FAM178B: variants seen among roughly 807,000 people sequenced by gnomAD.
FAM178B encodes the protein family with sequence similarity 178 member B.
FAM178B carries 82 observed loss-of-function variants against 91.7 expected under a neutral mutation model. That is an observed-to-expected ratio of 0.89 (90% CI 0.75 to 1.07). The LOEUF (loss-of-function observed/expected upper bound fraction) is 1.07. FAM178B is among the 50% of genes least tolerant of loss of function. The probability of loss-of-function intolerance (pLI) is 0.00; values close to 1 mark genes in which losing one functional copy is unlikely to be tolerated. For missense variants in FAM178B, 769 were observed against 846.7 expected (o/e 0.91, Z 1.14); for synonymous variants, 368 against 359.4 (o/e 1.02, Z -0.27).
At chr2:96,906,609 G>A (rs776251359) in intron 12 of FAM178B, among the ~76,000 whole-genome samples, 44 of 152,174 alleles carry the variant, frequency 2.9e-4, no homozygotes, top group Non-Finnish European at 5.4e-4. Flanking sequence ...GCGCCCACCC[G>A]GACTGAACCA....
Position 96,901,962 on chromosome 2 carries a change from T to G in FAM178B, c.1650+658A>C, listed in dbSNP as rs111541900. Among the ~76,000 whole-genome samples, 346 of 152,128 alleles carry G rather than the reference T, an allele frequency of 2.3e-3. 2 individuals carry two copies. Among genetic ancestry groups the G allele is most frequent in the African/African-American group, 8.0e-3 (331 of 41,484 alleles). ...ACAGGTGCCCGCCACCATGCCCAGC[T>G]AGTTTTTGTATTTTTAGTAGAGACA... On this transcript the variant is annotated intron_variant, in intron 13 of 16. Transcript: ENST00000490605.
intron 12 of FAM178B, among the ~76,000 whole-genome samples, chr2:96,903,321 G>A (rs900285683): frequency 6.6e-6 from 1 of 152,244 alleles, no homozygotes; most frequent in Non-Finnish European, 1.5e-5. Context: ...TTACAGGCGT[G>A]AGCCACCGCG....
intron 1 of FAM178B, among the ~76,000 whole-genome samples, chr2:96,978,529 G>C (rs2082320635): frequency 6.6e-6 from 1 of 152,152 alleles, no homozygotes; most frequent in Non-Finnish European, 1.5e-5. Flanking sequence ...CCACTTGTAA[G>C]TGAGAATATG....
At chr2:96,880,925 G>A (rs1269866508) in intron 14 of FAM178B, among the ~76,000 whole-genome samples, 1 of 152,046 alleles carries the variant, frequency 6.6e-6, no homozygotes, top group Admixed American at 6.6e-5. Context: ...ACTGCCAACG[G>A]TAATTGGCTG....
At chr2:96,964,715 C>T (rs1017039880) in intron 5 of FAM178B, among the ~76,000 whole-genome samples, 13 of 152,334 alleles carry the variant, frequency 8.5e-5, no homozygotes, top group African/African-American at 3.1e-4. Flanking sequence ...CAGCTACTGC[C>T]CATTCTTCTC....
At chr2:96,905,306 C>T (rs1332457424) in intron 12 of FAM178B, among the ~76,000 whole-genome samples, 1 of 151,982 alleles carries the variant, frequency 6.6e-6, no homozygotes, top group Non-Finnish European at 1.5e-5. Flanking sequence ...GCCTGTAATC[C>T]CAACACTTTG....
intron 14 of FAM178B, among the ~76,000 whole-genome samples, chr2:96,882,983 C>T (rs900237050): frequency 1.3e-5 from 2 of 152,256 alleles, no homozygotes; most frequent in African/African-American, 4.8e-5. Flanking sequence ...CAGCAAGGGC[C>T]GAGCTCCCGT....
intron 12 of FAM178B, among the ~76,000 whole-genome samples, chr2:96,911,378 T>C (rs535517479): frequency 4.9e-4 from 74 of 152,282 alleles, no homozygotes; most frequent in African/African-American, 1.8e-3. Context: ...AGGAGACAGA[T>C]GCGGAAAAGC....
At chr2:96,984,646 G>T (rs1022412282) in intron 1 of FAM178B, among the ~76,000 whole-genome samples, 1 of 152,188 alleles carries the variant, frequency 6.6e-6, no homozygotes, top group African/African-American at 2.4e-5. Context: ...GTGATTATAT[G>T]GCATTCCAAT....
chr2:96,927,193 C>T (rs1451247568), intron 9 of FAM178B, among the ~76,000 whole-genome samples: 4 of 152,182 alleles, frequency 2.6e-5, no homozygotes, highest in African/African-American at 9.7e-5. Context: ...CAATCCATGA[C>T]ACAACGCAGC....
In FAM178B at chr2:96,951,421, G is replaced by T. The variant is rs1332482852; in HGVS notation, c.951C>A (p.His317Gln). The T allele has an allele frequency of 1.3e-6, 2 of 1,551,670 alleles. No homozygotes were observed. The highest frequency in any genetic ancestry group is 1.7e-6 in the Non-Finnish European group (2 of 1,146,944). ...RSGLLNILYL[H>Q]MPDCPVSLLQ... ...GCAGGGATACCGGGCAGTCAGGCAT[G>T]TGCAGGTAGAGGATGTTCAGGAGGC... The change falls in exon 7 of 17, where the codon CAC (histidine) becomes CAA (glutamine). Residue 317 changes from histidine to glutamine, a missense_variant. Transcript: ENST00000490605.
intron 9 of FAM178B, among the ~76,000 whole-genome samples, chr2:96,926,783 C>T (rs1424643759): frequency 1.3e-5 from 2 of 152,080 alleles, no homozygotes; most frequent in South Asian, 2.1e-4. Flanking sequence ...TAAGGAAATC[C>T]GAGATTAGGA....
In FAM178B at chr2:96,986,532, A is replaced by G; in HGVS notation, c.-219T>C. 1 of 578,106 alleles carries G rather than the reference A, an allele frequency of 1.7e-6. No homozygotes were observed. The highest frequency in any genetic ancestry group is 2.9e-6 in the Non-Finnish European group (1 of 340,164). 35.8% of individuals were successfully genotyped at this position (578,106 alleles called of 1,614,324 possible). A position where few individuals can be genotyped will look rare whatever the true frequency, so the allele number is the denominator to read the frequency against. ...AGTTCCGACTCCAAACCAAGCGGCC[A>G]GCTCACAGCCGCCGCCGCCGCCAGC... On this transcript the variant is annotated 5_prime_UTR_variant, in exon 1 of 17. Coordinates refer to ENST00000490605, the MANE Select transcript of FAM178B (RefSeq NM_001122646.3).
intron 5 of FAM178B, among the ~76,000 whole-genome samples, chr2:96,962,441 AAAAGAAAG>A (rs35231972): frequency 5.6e-5 from 1 of 17,738 alleles, no homozygotes; most frequent in African/African-American, 1.5e-4. Context: ...GAAAAAAAAA[AAAAGAAAG>A]AAAGAAAGAA....
intron 1 of FAM178B, among the ~76,000 whole-genome samples, chr2:96,973,379 A>G (rs2082249339): frequency 6.6e-6 from 1 of 152,162 alleles, no homozygotes; most frequent in African/African-American, 2.4e-5. Context: ...GCACCAGCAC[A>G]GACCTGGCCC....
At chr2:96,967,360 A>G (rs778422564) in intron 5 of FAM178B, among the ~76,000 whole-genome samples, 160 bp downstream of exon 5, 5 of 152,236 alleles carry the variant, frequency 3.3e-5, no homozygotes, top group Non-Finnish European at 5.9e-5. Context: ...TTCTTGAATC[A>G]ATGAGTGAAT....
chr2:96,962,113 C>T (rs985020974), intron 5 of FAM178B, among the ~76,000 whole-genome samples: 1 of 152,094 alleles, frequency 6.6e-6, no homozygotes, highest in Non-Finnish European at 1.5e-5. Context: ...ACCAGCCTGG[C>T]CAACATGGTG....
intron 14 of FAM178B, among the ~76,000 whole-genome samples, chr2:96,881,703 T>C (rs781669419): frequency 9.3e-5 from 13 of 140,462 alleles, no homozygotes; most frequent in Non-Finnish European, 1.8e-4. Flanking sequence ...TCACAACTTG[T>C]TTCTTATGCT....
intron 7 of FAM178B, chr2:96,950,169 T>C: frequency 1.0e-6 from 1 of 985,464 alleles, no homozygotes; most frequent in African/African-American, 1.7e-5. Context: ...GGCCCCTCTG[T>C]GGGTGCCGTC....
Sources: allele counts gnomAD v4.1 joint callset (sites outside exome capture counted in the v4.1 genomes callset), GRCh38; gene constraint gnomAD v4.1.1; transcripts MANE v1.5; gene names NCBI Gene and HGNC (gene_info 2026-07-23, HGNC 2026-07-21).